EPB41: variants seen among roughly 807,000 people sequenced by gnomAD.
EPB41 encodes the protein protein 4.1.
Under a neutral mutation model 108.0 loss-of-function variants are expected in EPB41, and 65 were observed. The ratio of observed to expected loss-of-function variants is 0.60; its 90% CI spans 0.49 to 0.74. EPB41 has a LOEUF of 0.74. Among genes scored for constraint, EPB41 ranks in the 30% least tolerant of loss-of-function variants. The probability of loss-of-function intolerance (pLI) is 0.00; values close to 1 mark genes in which losing one functional copy is unlikely to be tolerated. For missense variants in EPB41, 875 were observed against 1,037.0 expected (o/e 0.84, Z 2.15); for synonymous variants, 336 against 358.9 (o/e 0.94, Z 0.72).
chr1:29,015,892 G>A, intron 6 of EPB41, 125 bp downstream of exon 6: 3 of 684,954 alleles, frequency 4.4e-6, no homozygotes, highest in Non-Finnish European at 7.6e-6. Flanking sequence ...ATGATATTAA[G>A]TAGCCTAGGA....
intron 1 of EPB41, among the ~76,000 whole-genome samples, chr1:28,931,706 T>G (rs1253559510): frequency 4.6e-5 from 7 of 151,968 alleles, no homozygotes; most frequent in East Asian, 1.9e-4. Flanking sequence ...TTTTTTTTTT[T>G]TGTATTGTTG....
chr1:28,930,641 T>C (rs550899640), intron 1 of EPB41, among the ~76,000 whole-genome samples: 73 of 152,114 alleles, frequency 4.8e-4, no homozygotes, highest in African/African-American at 1.7e-3. Context: ...CACACCACCA[T>C]GCCTGGCTAA....
chr1:29,106,651 G>A (rs1218191096), intron 17 of EPB41, among the ~76,000 whole-genome samples: 2 of 135,102 alleles, frequency 1.5e-5, no homozygotes, highest in Non-Finnish European at 3.1e-5. Context: ...TTGGCTCACT[G>A]CAACCTCCAC....
chr1:29,007,895 T>G (rs2096434490), intron 4 of EPB41, among the ~76,000 whole-genome samples: 1 of 152,302 alleles, frequency 6.6e-6, no homozygotes. Flanking sequence ...TTCTACCACC[T>G]ACATGAGGAA....
At chr1:29,025,047 G>A (rs1490679577) in intron 7 of EPB41, among the ~76,000 whole-genome samples, 2 of 152,042 alleles carry the variant, frequency 1.3e-5, no homozygotes, top group African/African-American at 4.8e-5. Flanking sequence ...GCACTTCTCA[G>A]ATAGAAGACA....
At chr1:28,977,020 T>C (rs754813024) in intron 1 of EPB41, among the ~76,000 whole-genome samples, 13 of 152,168 alleles carry the variant, frequency 8.5e-5, no homozygotes, top group Non-Finnish European at 1.8e-4. Flanking sequence ...GTGCAGCTAA[T>C]TGTTGTATTT....
intron 1 of EPB41, among the ~76,000 whole-genome samples, chr1:28,928,178 G>A (rs2093556550): frequency 6.6e-6 from 1 of 151,590 alleles, no homozygotes; most frequent in African/African-American, 2.4e-5. Flanking sequence ...TGTAATTTGT[G>A]GTATTCTATT....
chr1:29,095,657 A>G (rs1394273810), intron 16 of EPB41, among the ~76,000 whole-genome samples: 1 of 152,044 alleles, frequency 6.6e-6, no homozygotes, highest in African/African-American at 2.4e-5. Flanking sequence ...CTGTAGTTCT[A>G]GCTACTCTGG....
chr1:29,100,991 G>A (rs957532713), intron 17 of EPB41, among the ~76,000 whole-genome samples: 3 of 151,586 alleles, frequency 2.0e-5, no homozygotes, highest in South Asian at 2.1e-4. Context: ...TTGGGAGGCC[G>A]TGGTGGGTGG....
intron 16 of EPB41, among the ~76,000 whole-genome samples, chr1:29,090,147 C>T (rs976754178): frequency 6.6e-6 from 1 of 151,988 alleles, no homozygotes; most frequent in African/African-American, 2.4e-5. Context: ...ATCTGTAACC[C>T]CAGCTACTTG....
At chr1:28,946,727 T>A (rs1023576449) in intron 1 of EPB41, among the ~76,000 whole-genome samples, 26 of 152,216 alleles carry the variant, frequency 1.7e-4, no homozygotes, top group Non-Finnish European at 3.8e-4. Flanking sequence ...ATATTTAGCA[T>A]GTCACTTTGA....
chr1:29,036,563 A>C (rs538550870), intron 10 of EPB41, among the ~76,000 whole-genome samples: 14 of 150,810 alleles, frequency 9.3e-5, no homozygotes, highest in Middle Eastern at 3.4e-3. Flanking sequence ...GCCCGGACGG[A>C]ATTTTTATTT....
chr1:29,094,880 C>T (rs1433317912), intron 16 of EPB41, among the ~76,000 whole-genome samples: 2 of 152,174 alleles, frequency 1.3e-5, no homozygotes, highest in African/African-American at 2.4e-5. Flanking sequence ...TCCACAAATG[C>T]TCAAGTCTTG....
intron 7 of EPB41, among the ~76,000 whole-genome samples, chr1:29,025,977 A>G (rs1477330790): frequency 2.0e-5 from 3 of 152,126 alleles, no homozygotes; most frequent in Non-Finnish European, 4.4e-5. Flanking sequence ...AAAAGCCTAC[A>G]CAGGATGTGG....
At chr1:28,895,777 C>T (rs1223005502) in intron 1 of EPB41, among the ~76,000 whole-genome samples, 1 of 152,154 alleles carries the variant, frequency 6.6e-6, no homozygotes, top group African/African-American at 2.4e-5. Flanking sequence ...TGTGAGCCAC[C>T]ACGCCCGGCC....
At chr1:28,996,987 C>CA (rs2096194390) in intron 3 of EPB41, among the ~76,000 whole-genome samples, 1 of 151,904 alleles carries the variant, frequency 6.6e-6, no homozygotes, top group Non-Finnish European at 1.5e-5. Context: ...ACTCTCTCTA[C>CA]AAAAAATTTT....
Position 28,994,719 on chromosome 1 carries a change from C to T in EPB41, c.681+1177C>T, listed in dbSNP as rs955956221. Among the ~76,000 whole-genome samples the T allele has an allele frequency of 8.7e-5, 13 of 150,188 alleles. 1 individual carries two copies. Among genetic ancestry groups the T allele is most frequent in the South Asian group, 4.2e-4 (2 of 4,732 alleles). On this transcript the variant is annotated intron_variant, in intron 3 of 20. Coordinates refer to ENST00000343067, the MANE Select transcript of EPB41 (RefSeq NM_001376013.1). The stretch of plus-strand genomic sequence containing the variant: ...TGTTGCCCAGGTTGAAGTGCAGTGG[C>T]GCAGTGACAGCTCACTGCAGCCTCA...
At chr1:28,930,658 T>C (rs2093696101) in intron 1 of EPB41, among the ~76,000 whole-genome samples, 1 of 151,976 alleles carries the variant, frequency 6.6e-6, no homozygotes, top group Admixed American at 6.6e-5. Context: ...CTAATTTTTG[T>C]ATTTTTAGTA....
At chr1:28,987,154 ATG>A (rs2095886681) in intron 1 of EPB41, among the ~76,000 whole-genome samples, 1 of 152,204 alleles carries the variant, frequency 6.6e-6, no homozygotes, top group African/African-American at 2.4e-5. Context: ...TGGATTTAAT[ATG>A]TGATGTATTT....
Sources: gnomAD v4.1 joint callset for allele counts (sites outside exome capture counted in the v4.1 genomes callset) on GRCh38, gnomAD v4.1.1 for gene constraint, MANE v1.5 for transcripts, NCBI Gene and HGNC (gene_info 2026-07-23, HGNC 2026-07-21) for gene names.